Variants in RAB31 observed in about 807,000 individuals in gnomAD.
RAB31 encodes RAB31, member RAS oncogene family, also known as ras-related protein Rab-31.
Under a neutral mutation model 25.6 loss-of-function variants are expected in RAB31, and 21 were observed. The ratio of observed to expected loss-of-function variants is 0.82; its 90% CI spans 0.58 to 1.18. The LOEUF (loss-of-function observed/expected upper bound fraction) is 1.18. Among genes scored for constraint, RAB31 ranks in the 50% most tolerant of loss-of-function variants. The pLI, the probability that RAB31 is intolerant of heterozygous loss-of-function variation, is 0.00. For missense variants in RAB31, 196 were observed against 250.1 expected (o/e 0.78, Z 1.46); for synonymous variants, 87 against 84.0 (o/e 1.04, Z -0.20).
chr18:9,743,132 C>G (rs765038827), intron 1 of RAB31, among the ~76,000 whole-genome samples: 2 of 152,190 alleles, frequency 1.3e-5, no homozygotes, highest in Non-Finnish European at 2.9e-5. Flanking sequence ...GCCCCTAGAC[C>G]TGCTTTTGAC....
At chr18:9,829,030 C>A (rs2068664101) in intron 5 of RAB31, among the ~76,000 whole-genome samples, 1 of 152,082 alleles carries the variant, frequency 6.6e-6, no homozygotes, top group Non-Finnish European at 1.5e-5. Flanking sequence ...GACTGAGCTG[C>A]CCAGAGAGCC....
intron 3 of RAB31, among the ~76,000 whole-genome samples, chr18:9,812,904 C>T (rs1599050042): frequency 1.3e-5 from 2 of 151,922 alleles, no homozygotes; most frequent in East Asian, 3.9e-4. Context: ...ACCATATTGG[C>T]CAGGCTGTTC....
chr18:9,849,937 C>T (rs151159607), intron 6 of RAB31, among the ~76,000 whole-genome samples: 70 of 152,242 alleles, frequency 4.6e-4, no homozygotes, highest in African/African-American at 1.6e-3. Flanking sequence ...GCTTTTAAAG[C>T]AGGAGTGCAG....
intron 5 of RAB31, among the ~76,000 whole-genome samples, chr18:9,822,034 A>G (rs1227495234): frequency 1.3e-5 from 2 of 152,238 alleles, no homozygotes; most frequent in African/African-American, 2.4e-5. Context: ...TATAATGGAA[A>G]GAATCACTCT....
chr18:9,828,770 C>T (rs1394726917), intron 5 of RAB31, among the ~76,000 whole-genome samples: 5 of 152,088 alleles, frequency 3.3e-5, no homozygotes, highest in Non-Finnish European at 7.4e-5. Context: ...AAATGCTGGA[C>T]CTTAAAAATC....
At chr18:9,849,156 C>T (rs1362428955) in intron 6 of RAB31, among the ~76,000 whole-genome samples, 1 of 152,008 alleles carries the variant, frequency 6.6e-6, no homozygotes, top group East Asian at 1.9e-4. Context: ...GGTTCTTACA[C>T]CCAAGGAAGA....
chr18:9,716,325 A>G (rs2068044348), intron 1 of RAB31, among the ~76,000 whole-genome samples: 1 of 152,168 alleles, frequency 6.6e-6, no homozygotes, highest in African/African-American at 2.4e-5. Context: ...TAACGTGATC[A>G]TGTATAATAT....
At chr18:9,787,799 C>G (rs144342833) in intron 2 of RAB31, 205 of 152,384 alleles carry the variant, frequency 1.3e-3, no homozygotes, top group African/African-American at 4.7e-3. Context: ...GCTTTATCCA[C>G]ATTTCACACT....
intron 1 of RAB31, among the ~76,000 whole-genome samples, chr18:9,726,636 C>A (rs1490530232): frequency 6.6e-6 from 1 of 152,104 alleles, no homozygotes; most frequent in Non-Finnish European, 1.5e-5. Context: ...GAGCTGTTCT[C>A]TTTATATACT....
rs1054796896 is a variant in RAB31 at position 9,814,034 on chromosome 18, T to C, written c.216T>C (p.Ala72=). ...TAGQERFHSL[A]PMYYRGSAAA... ...TTCTTAAACAGTTTCATTCATTGGC[T>C]CCCATGTACTATCGAGGCTCAGCTG... is the stretch of plus-strand genomic sequence containing the variant. Residue 72 remains alanine (A), a synonymous_variant, in exon 4 of 7, where the codon GCT becomes GCC. Coordinates refer to ENST00000578921, the MANE Select transcript of RAB31 (RefSeq NM_006868.4). The C allele has an allele frequency of 1.3e-6, 2 of 1,590,732 alleles. No homozygotes were observed. Among genetic ancestry groups the C allele is most frequent in the Non-Finnish European group, 1.7e-6 (2 of 1,164,920 alleles).
Position 9,859,589 on chromosome 18 carries a change from TA to T in RAB31, c.*279del, listed in dbSNP as rs60755218. 0.029 allele frequency: 5,900 copies of T among 206,906 alleles called. 2 individuals are homozygous for T. Among genetic ancestry groups the T allele is most frequent in the Middle Eastern group, 0.059 (39 of 664 alleles). The allele number at this position is 206,906 out of a possible 1,614,324, so 12.8% of individuals were successfully genotyped here. ...GGAGGGGATGTAGTTGCATTTTTGC[TA>T]AAAAAAAAAAAAAACCTTTAAAAAT... is the stretch of plus-strand genomic sequence containing the variant. On this transcript the variant is annotated 3_prime_UTR_variant, in exon 7 of 7. Coordinates refer to ENST00000578921, the MANE Select transcript of RAB31 (RefSeq NM_006868.4).
intron 1 of RAB31, among the ~76,000 whole-genome samples, chr18:9,747,933 A>G (rs1042572422): frequency 2.0e-5 from 3 of 152,228 alleles, no homozygotes; most frequent in Non-Finnish European, 4.4e-5. Flanking sequence ...GGTTTAGATC[A>G]ACAGTATTAA....
rs1322435648 is a variant in RAB31, at chr18:9,857,674, TA to T, written c.491-1553del. 5.9e-3 allele frequency among the ~76,000 whole-genome samples: 743 copies of T among 126,266 alleles called. 5 individuals are homozygous for T. The highest frequency in any genetic ancestry group is 9.0e-3 in the Non-Finnish European group (487 of 54,060). 82.8% of individuals were successfully genotyped at this position (126,266 alleles called of 152,430 possible). On this transcript the variant is annotated intron_variant, in intron 6 of 6. Transcript: ENST00000578921. ...ATAGATAGATAGATAGATAGATAGA[TA>T]GATAGATAGATGATAGATAGATAGA...
intron 2 of RAB31, chr18:9,785,020 A>C (rs1196615328): frequency 1.3e-5 from 2 of 152,272 alleles, no homozygotes; most frequent in Non-Finnish European, 2.9e-5. Flanking sequence ...GGGTGGTCAC[A>C]CTGCAGTGTG....
At chr18:9,790,197 A>C (rs558460317) in intron 2 of RAB31, among the ~76,000 whole-genome samples, 1 of 152,200 alleles carries the variant, frequency 6.6e-6, no homozygotes, top group Admixed American at 6.6e-5. Flanking sequence ...GTGAATTTAA[A>C]ATTTTAAAGT....
At chr18:9,801,056 A>C (rs958863091) in intron 3 of RAB31, among the ~76,000 whole-genome samples, 3 of 152,234 alleles carry the variant, frequency 2.0e-5, no homozygotes, top group African/African-American at 7.2e-5. Context: ...GGAATCATAC[A>C]ACCTGTGGTT....
chr18:9,749,123 TC>T (rs1239648684), intron 1 of RAB31, among the ~76,000 whole-genome samples: 1 of 152,232 alleles, frequency 6.6e-6, no homozygotes, highest in African/African-American at 2.4e-5. Flanking sequence ...ATGGCTTTTT[TC>T]ACTTGATATA....
chr18:9,729,526 C>CAAAA (rs11431212), intron 1 of RAB31, among the ~76,000 whole-genome samples: 1 of 131,666 alleles, frequency 7.6e-6, no homozygotes. Context: ...GACTCCGTCT[C>CAAAA]AAAAAAAAAA....
chr18:9,720,624 G>A (rs1048974370), intron 1 of RAB31, among the ~76,000 whole-genome samples: 3 of 151,732 alleles, frequency 2.0e-5, no homozygotes, highest in African/African-American at 7.3e-5. Context: ...GTGTCAGAGT[G>A]GTTACCTGCC....
Sources: allele counts gnomAD v4.1 joint callset (sites outside exome capture counted in the v4.1 genomes callset), GRCh38; gene constraint gnomAD v4.1.1; transcripts MANE v1.5; gene names NCBI Gene and HGNC (gene_info 2026-07-23, HGNC 2026-07-21).